SH3RF2: variants seen among roughly 807,000 people sequenced by gnomAD.
The protein encoded by SH3RF2 is SH3 domain containing ring finger 2.
In SH3RF2, 43 loss-of-function variants were observed where a neutral mutation model predicts 59.0. The ratio of observed to expected loss-of-function variants is 0.73; its 90% confidence interval spans 0.57 to 0.94. The LOEUF is 0.94. Ranked by LOEUF, SH3RF2 falls within the 40% of genes least tolerant of loss-of-function variation. The pLI, the probability that SH3RF2 is intolerant of heterozygous loss-of-function variation, is 0.00. For synonymous variants in SH3RF2, 391 were observed against 391.5 expected (o/e 1.00, Z 0.01); for missense variants, 930 against 940.1 (o/e 0.99, Z 0.14).
At chr5:146,073,106 G>A (rs1763271234) in intron 9 of SH3RF2, among the ~76,000 whole-genome samples, 2 of 152,238 alleles carry the variant, frequency 1.3e-5, no homozygotes, top group African/African-American at 4.8e-5. Context: ...GATGGGGCCA[G>A]CTCTGAAGGA....
intron 2 of SH3RF2, among the ~76,000 whole-genome samples, chr5:145,948,832 G>C (rs1217757322): frequency 1.3e-5 from 2 of 152,190 alleles, no homozygotes; most frequent in Non-Finnish European, 2.9e-5. Flanking sequence ...GCATGTAACA[G>C]ACTGTACAGT....
intron 2 of SH3RF2, among the ~76,000 whole-genome samples, chr5:145,956,268 T>G (rs890940730): frequency 4.6e-5 from 7 of 152,028 alleles, no homozygotes; most frequent in Non-Finnish European, 1.0e-4. Flanking sequence ...TCTTTTGCTT[T>G]TTTATTTTTA....
At chr5:146,005,854 T>TAAA (rs34318684) in intron 4 of SH3RF2, among the ~76,000 whole-genome samples, 15 of 129,676 alleles carry the variant, frequency 1.2e-4, no homozygotes, top group African/African-American at 3.2e-4. Context: ...GCACTCTGTT[T>TAAA]AAAAAAAAAA....
intron 2 of SH3RF2, among the ~76,000 whole-genome samples, chr5:145,977,580 C>A (rs1205991332): frequency 6.6e-6 from 1 of 152,160 alleles, no homozygotes; most frequent in Admixed American, 6.5e-5. Flanking sequence ...AAAAAGATGC[C>A]CTTTCCAAAT....
chr5:146,039,764 G>A (rs1017887701), intron 5 of SH3RF2, among the ~76,000 whole-genome samples: 1 of 152,158 alleles, frequency 6.6e-6, no homozygotes, highest in South Asian at 2.1e-4. Flanking sequence ...ATATCCTGGA[G>A]AAATTCTTGC....
chr5:145,964,272 T>TTTCCTTCCTTCC (rs35100856), intron 2 of SH3RF2, among the ~76,000 whole-genome samples: 9 of 123,016 alleles, frequency 7.3e-5, no homozygotes, highest in South Asian at 2.8e-4. Flanking sequence ...TTTCCCTTCT[T>TTTCCTTCCTTCC]TTCCTTCCTT....
intron 2 of SH3RF2, among the ~76,000 whole-genome samples, chr5:145,963,378 G>A (rs1171123487): frequency 6.6e-6 from 1 of 152,126 alleles, no homozygotes; most frequent in Non-Finnish European, 1.5e-5. Flanking sequence ...CAAGGCCAAA[G>A]GATCTCTTGT....
chr5:145,964,558 T>C (rs900805803), intron 2 of SH3RF2, among the ~76,000 whole-genome samples: 50 of 152,212 alleles, frequency 3.3e-4, no homozygotes, highest in African/African-American at 1.1e-3. Flanking sequence ...CCACCCATCT[T>C]GGCCTCCCAA....
intron 2 of SH3RF2, among the ~76,000 whole-genome samples, chr5:145,943,183 G>C (rs1012561560): frequency 2.0e-5 from 3 of 151,660 alleles, no homozygotes; most frequent in Non-Finnish European, 4.4e-5. Flanking sequence ...AAGTCAGCTG[G>C]CACTAGAGTT....
intron 5 of SH3RF2, among the ~76,000 whole-genome samples, chr5:146,038,409 C>G (rs1032277678): frequency 6.6e-6 from 1 of 152,136 alleles, no homozygotes; most frequent in African/African-American, 2.4e-5. Flanking sequence ...GCAGATGATA[C>G]TATTGTCTAT....
intron 3 of SH3RF2, among the ~76,000 whole-genome samples, chr5:146,003,371 T>A (rs1278459234): frequency 6.6e-6 from 1 of 152,182 alleles, no homozygotes; most frequent in Non-Finnish European, 1.5e-5. Context: ...AAATGTAAAA[T>A]TTCTCAAGAT....
chr5:145,937,408 A>AG (rs910306565), intron 1 of SH3RF2, among the ~76,000 whole-genome samples: 1 of 152,180 alleles, frequency 6.6e-6, no homozygotes, highest in African/African-American at 2.4e-5. Flanking sequence ...ATTTAGATTT[A>AG]GGGGAAGGAG....
intron 5 of SH3RF2, among the ~76,000 whole-genome samples, chr5:146,034,507 G>C (rs1264177863): frequency 1.3e-5 from 2 of 152,196 alleles, no homozygotes; most frequent in Admixed American, 6.5e-5. Flanking sequence ...TTAAGTGATG[G>C]CTTTGGAAAC....
intron 2 of SH3RF2, among the ~76,000 whole-genome samples, chr5:145,950,748 G>C (rs1758161817): frequency 6.6e-6 from 1 of 152,198 alleles, no homozygotes; most frequent in East Asian, 1.9e-4. Context: ...GTCCAGAACT[G>C]ATCTGCTTTT....
intron 2 of SH3RF2, among the ~76,000 whole-genome samples, chr5:145,943,349 G>A (rs1369118058): frequency 2.6e-5 from 4 of 152,048 alleles, no homozygotes; most frequent in Non-Finnish European, 4.4e-5. Context: ...GGGGAGGATG[G>A]GACCAAAAAG....
intron 3 of SH3RF2, 115 bp downstream of exon 3, chr5:146,000,442 A>T: frequency 1.3e-6 from 1 of 797,146 alleles, no homozygotes; most frequent in South Asian, 4.5e-5. Flanking sequence ...AATATATTAT[A>T]TTATTGTTAA....
At chr5:146,056,435 G>T (rs546249965) in intron 8 of SH3RF2, among the ~76,000 whole-genome samples, 2 of 152,316 alleles carry the variant, frequency 1.3e-5, no homozygotes, top group African/African-American at 4.8e-5. Context: ...GAATGACTGG[G>T]GTGATGGCAG....
chr5:145,949,174 A>C (rs1438941121), intron 2 of SH3RF2, among the ~76,000 whole-genome samples: 2 of 152,154 alleles, frequency 1.3e-5, no homozygotes, highest in Non-Finnish European at 2.9e-5. Context: ...AGGTGCTTGC[A>C]GGGGATTCGG....
chr5:145,975,792 T>A (rs115463910), intron 2 of SH3RF2, among the ~76,000 whole-genome samples: 1,766 of 152,384 alleles, frequency 0.012, 35 homozygotes, highest in African/African-American at 0.041. Context: ...TGCCTAGCTG[T>A]GGAGCTGTAG....
Sources: allele counts gnomAD v4.1 joint callset (sites outside exome capture counted in the v4.1 genomes callset), GRCh38; gene constraint gnomAD v4.1.1; transcripts MANE v1.5; gene names NCBI Gene and HGNC (gene_info 2026-07-23, HGNC 2026-07-21).